The following JAML variants were observed in gnomAD, a reference collection of about 807,000 sequenced individuals.
JAML encodes junctional adhesion molecule-like.
In JAML, 25 loss-of-function variants were observed where a neutral mutation model predicts 39.3. The observed-to-expected ratio is 0.64, with a 90% CI of 0.46 to 0.89. The LOEUF (loss-of-function observed/expected upper bound fraction) is 0.89. Ranked by LOEUF, JAML falls within the 40% of genes least tolerant of loss-of-function variation. JAML has a pLI of 0.00. For missense variants in JAML, 440 were observed against 486.9 expected, an observed-to-expected ratio of 0.90 and a Z score of 0.91; for synonymous variants, 162 against 179.2, an observed-to-expected ratio of 0.90 and a Z score of 0.77.
chr11:118,220,953 A>C (rs1455065862), intron 1 of JAML, among the ~76,000 whole-genome samples: 1 of 152,186 alleles, frequency 6.6e-6, no homozygotes, highest in Admixed American at 6.5e-5. Flanking sequence ...GCTGAATTCC[A>C]AATCACAGCA....
At chr11:118,205,287 T>G (rs576608632) in intron 5 of JAML, 1 of 152,452 alleles carries the variant, frequency 6.6e-6, no homozygotes, top group South Asian at 2.1e-4. Context: ...CCCATAAATA[T>G]ACGACCACAT....
At chr11:118,219,797 T>G (rs1949190964) in intron 1 of JAML, among the ~76,000 whole-genome samples, 1 of 152,148 alleles carries the variant, frequency 6.6e-6, no homozygotes, top group Admixed American at 6.6e-5. Flanking sequence ...CTCCACTATC[T>G]CAGTGAACAG....
rs1002412220 is a variant in JAML, at chr11:118,194,421, T to C, written c.1093-4A>G. On this transcript the variant is annotated splice_polypyrimidine_tract_variant and splice_region_variant and intron_variant, in intron 9 of 9. Coordinates refer to ENST00000356289, the MANE Select transcript of JAML (RefSeq NM_001098526.2). Reference sequence around the variant, plus strand: ...TCAGAGAAGGCCAAACTGGGTGCTGTGGGGGAAGGGCAGAAAGAAACAAAA... The same window carrying C: ...TCAGAGAAGGCCAAACTGGGTGCTGCGGGGGAAGGGCAGAAAGAAACAAAA... 4 of 1,613,328 alleles carry C rather than the reference T, an allele frequency of 2.5e-6. No homozygotes were observed. In the African/African-American group the frequency reaches 5.3e-5, roughly 22 times the overall value.
chr11:118,197,515 T>C (rs1175497923), intron 8 of JAML: 1 of 153,492 alleles, frequency 6.5e-6, no homozygotes, highest in Non-Finnish European at 1.5e-5. Flanking sequence ...AATCCTTTCT[T>C]GCTAAGATCT....
chr11:118,222,704 G>A lies in JAML; in HGVS notation c.-21+2237C>T, dbSNP rs1285879683. Among the ~76,000 whole-genome samples the A allele has an allele frequency of 1.3e-5, 2 of 152,170 alleles. No homozygotes were observed. Among genetic ancestry groups the A allele is most frequent in the Admixed American group, 6.5e-5 (1 of 15,278 alleles). On this transcript the variant is annotated intron_variant, in intron 1 of 9. Transcript: ENST00000356289. The surrounding 1 kb of genome is among the most constrained non-coding windows in gnomAD (Gnocchi z 4.2). ...CAGTGTAAGTAAAGAATGTGTTTTG[G>A]TGGGAGGTTATAAGAAGGCGTGTGA... is the stretch of plus-strand genomic sequence containing the variant.
chr11:118,200,952 G>A (rs1056931971), intron 6 of JAML: 1 of 207,190 alleles, frequency 4.8e-6, no homozygotes, highest in Non-Finnish European at 1.0e-5. Flanking sequence ...TCTTCCTTAG[G>A]GCAAGTGGTT....
chr11:118,194,071 AGCCTGGTTCCCAGG>A lies in JAML; in HGVS notation c.*240_*253del. On this transcript the variant is annotated 3_prime_UTR_variant, in exon 10 of 10. Transcript: ENST00000356289. ...CGGGGGGTTTGAGGCCACTCAGCTC[AGCCTGGTTCCCAGG>A]GCCAGTGTCCCACTCCAGAGGCCAA... 2.2e-6 allele frequency: 1 copy of A among 455,008 alleles called. No individual in the cohort carries two copies. The highest frequency in any genetic ancestry group is 4.1e-6 in the Non-Finnish European group (1 of 245,310). The allele number at this position is 455,008 out of a possible 1,614,324, so 28.2% of individuals were successfully genotyped here. A position where few individuals can be genotyped will look rare whatever the true frequency, so the allele number is the denominator to read the frequency against.
chr11:118,212,583 G>C (rs1949084666), intron 2 of JAML, 22 bp from the exon 3 acceptor site: 2 of 1,612,016 alleles, frequency 1.2e-6, no homozygotes, highest in African/African-American at 2.7e-5. Flanking sequence ...AAAGGCAAGA[G>C]GACACATCAT....
rs141108397 is a variant in JAML, at chr11:118,216,852, C to T, written c.-20-1966G>A. ...AAGAACCTCTAGTGAAAACACAGAC[C>T]TCTCTCAACATAAGCAAAACCCCAT... is the stretch of plus-strand genomic sequence containing the variant. On this transcript the variant is annotated intron_variant, in intron 1 of 9. Transcript: ENST00000356289. Among the ~76,000 whole-genome samples, 114 of 152,246 alleles carry T rather than the reference C, an allele frequency of 7.5e-4. 1 individual carries two copies. In the East Asian group the frequency reaches 0.021, roughly 28 times the overall value.
At chr11:118,213,385 C>A in intron 2 of JAML, 8 of 969,750 alleles carry the variant, frequency 8.2e-6, no homozygotes, top group Non-Finnish European at 9.8e-6. Flanking sequence ...ATGTGCCAGT[C>A]TTTTCATCCA....
chr11:118,198,338 C>G (rs559076490), intron 7 of JAML, among the ~76,000 whole-genome samples: 1 of 152,330 alleles, frequency 6.6e-6, no homozygotes, highest in East Asian at 1.9e-4. Flanking sequence ...TCTCTATTAT[C>G]ACTCAAGCCA....
intron 5 of JAML, chr11:118,204,734 C>G (rs563140045): frequency 6.6e-6 from 1 of 152,190 alleles, no homozygotes; most frequent in African/African-American, 2.4e-5. Flanking sequence ...GTATTATATA[C>G]GTCTTTATTA....
chr11:118,224,041 T>C (rs12275955), intron 1 of JAML: 33,613 of 152,172 alleles, frequency 0.22, 3,797 homozygotes, highest in Middle Eastern at 0.29. Context: ...TCAATCTATC[T>C]GCACACTGCT....
rs1480598893 is a variant in JAML at position 118,205,990 on chromosome 11, C to T, written c.426G>A (p.Glu142=). 6.2e-7 allele frequency: 1 copy of T among 1,611,694 alleles called. No homozygotes were observed. Among genetic ancestry groups the T allele is most frequent in the Admixed American group, 1.7e-5 (1 of 60,018 alleles). ...VLHVLPEEPK[E]LMVHVGGLIQ... ...TCAATCCACCCACATGGACCATGAG[C>T]TCTGAGGATAAAACAGTAAATCAAG... The change falls in exon 5 of 10, where the codon GAG becomes GAA. Residue 142 remains glutamate (E), a splice_region_variant and synonymous_variant. Transcript: ENST00000356289.
intron 8 of JAML, 112 bp from the exon 9 acceptor site, chr11:118,196,933 C>G: frequency 1.3e-6 from 1 of 796,498 alleles, no homozygotes. Flanking sequence ...ACTGCTGGTT[C>G]AGAGGGTTAC....
intron 4 of JAML, chr11:118,208,871 T>A (rs1313659755): frequency 2.0e-5 from 3 of 152,654 alleles, no homozygotes; most frequent in African/African-American, 7.2e-5. Context: ...CAATGAAAGA[T>A]TTCAGAACTC....
intron 4 of JAML, among the ~76,000 whole-genome samples, chr11:118,207,258 C>G (rs1948937178): frequency 6.6e-6 from 1 of 152,220 alleles, no homozygotes; most frequent in East Asian, 1.9e-4. Flanking sequence ...TTTCAATGCA[C>G]CACCATGTGC....
intron 4 of JAML, among the ~76,000 whole-genome samples, chr11:118,207,541 T>G (rs1270670688): frequency 6.6e-6 from 1 of 152,176 alleles, no homozygotes; most frequent in African/African-American, 2.4e-5. Flanking sequence ...CTATAGTATT[T>G]AAATTAAGAA....
intron 1 of JAML, among the ~76,000 whole-genome samples, chr11:118,217,504 T>C (rs900447886): frequency 6.6e-6 from 1 of 152,228 alleles, no homozygotes; most frequent in South Asian, 2.1e-4. Context: ...GAAAAATTAC[T>C]AAAAGTTTTT....
Sources: allele counts gnomAD v4.1 joint callset (sites outside exome capture counted in the v4.1 genomes callset), GRCh38; gene constraint gnomAD v4.1.1; non-coding constraint Gnocchi (gnomAD v3.1); transcripts MANE v1.5; gene names NCBI Gene and HGNC (gene_info 2026-07-23, HGNC 2026-07-21).